NACC2: variants seen among roughly 807,000 people sequenced by gnomAD.
The protein encoded by NACC2 is nucleus accumbens-associated protein 2.
A neutral mutation model predicts 25.1 loss-of-function variants in NACC2; 8 were observed. That is an observed-to-expected ratio of 0.32 (90% CI 0.19 to 0.57). The LOEUF (loss-of-function observed/expected upper bound fraction) is 0.57, where lower values mean the gene tolerates loss of function less well. NACC2 is among the 20% of genes least tolerant of loss of function. The pLI is 0.89. For synonymous variants in NACC2, 435 were observed against 294.7 expected (o/e 1.48, Z -4.88); for missense variants, 644 against 650.2 (o/e 0.99, Z 0.10).
intron 2 of NACC2, among the ~76,000 whole-genome samples, chr9:136,033,894 GGTGTGTGTGTGTGTGTGT>G (rs57460855): frequency 3.9e-4 from 53 of 137,030 alleles, no homozygotes; most frequent in South Asian, 2.0e-3. Context: ...AATTCCAGCA[GGTGTGTGTGTGTGTGTGT>G]GTGTGTGTGT....
intron 1 of NACC2, among the ~76,000 whole-genome samples, chr9:136,071,747 C>G (rs893425878): frequency 6.6e-6 from 1 of 152,026 alleles, no homozygotes; most frequent in Non-Finnish European, 1.5e-5. Context: ...GACAGAGGGA[C>G]AGACATATGG....
intron 1 of NACC2, among the ~76,000 whole-genome samples, chr9:136,085,502 CAAA>C (rs995128721): frequency 7.5e-6 from 1 of 133,304 alleles, no homozygotes; most frequent in African/African-American, 2.7e-5. Context: ...GCAAGACTCT[CAAA>C]AAAAAAAAAA....
At chr9:136,017,660 G>A (rs538945280) in intron 2 of NACC2, among the ~76,000 whole-genome samples, 12 of 152,298 alleles carry the variant, frequency 7.9e-5, no homozygotes, top group South Asian at 2.1e-4. Context: ...ACACCAGTCC[G>A]GCACTCCTCA....
intron 1 of NACC2, 112 bp from the exon 2 acceptor site, chr9:136,050,692 C>G (rs879360575): frequency 4.8e-6 from 3 of 628,074 alleles, no homozygotes; most frequent in Non-Finnish European, 8.6e-6. Context: ...AGCGAGCCTT[C>G]CGCACGCGCC....
intron 1 of NACC2, among the ~76,000 whole-genome samples, chr9:136,059,630 G>C (rs1803415645): frequency 6.6e-6 from 1 of 152,240 alleles, no homozygotes; most frequent in African/African-American, 2.4e-5. Context: ...AGGAACCTGA[G>C]CAGGCCGCAG....
chr9:136,090,132 G>A (rs1423423010), intron 1 of NACC2, among the ~76,000 whole-genome samples: 1 of 152,236 alleles, frequency 6.6e-6, no homozygotes, highest in East Asian at 1.9e-4. Context: ...CAAGAATTCA[G>A]CAAAGATGGT....
chr9:136,054,575 G>A (rs986572988), intron 1 of NACC2, among the ~76,000 whole-genome samples: 1 of 152,186 alleles, frequency 6.6e-6, no homozygotes, highest in Non-Finnish European at 1.5e-5. Context: ...AGAGGAGGGG[G>A]CCGAGGGCCC....
At chr9:136,027,241 A>T (rs1385778992) in intron 2 of NACC2, among the ~76,000 whole-genome samples, 1 of 152,242 alleles carries the variant, frequency 6.6e-6, no homozygotes, top group Non-Finnish European at 1.5e-5. Flanking sequence ...AACAAAAAAA[A>T]TTAATGTTTG....
intron 2 of NACC2, among the ~76,000 whole-genome samples, chr9:136,037,859 A>T (rs186045851): frequency 3.1e-3 from 432 of 140,180 alleles, no homozygotes; most frequent in African/African-American, 0.011. Flanking sequence ...TTATATGGTT[A>T]AAAAAAAAAT....
At chr9:136,076,704 G>C (rs974196086) in intron 1 of NACC2, among the ~76,000 whole-genome samples, 1 of 152,122 alleles carries the variant, frequency 6.6e-6, no homozygotes, top group African/African-American at 2.4e-5. Context: ...GTGTATATTT[G>C]ACTACAATTT....
chr9:136,053,015 C>T (rs1349563092), intron 1 of NACC2, among the ~76,000 whole-genome samples: 4 of 152,246 alleles, frequency 2.6e-5, no homozygotes, highest in African/African-American at 4.8e-5. Context: ...AGGAAGAGCA[C>T]ATTCCACCCA....
At chr9:136,033,560 G>A (rs1249069073) in intron 2 of NACC2, among the ~76,000 whole-genome samples, 1 of 143,974 alleles carries the variant, frequency 6.9e-6, no homozygotes, top group African/African-American at 2.6e-5. Context: ...TGAGGCAGGA[G>A]AATCGCTTGA....
In NACC2 at chr9:136,007,028, C is replaced by T. The variant is rs1840022755; in HGVS notation, c.*4488G>A. On this transcript the variant is annotated 3_prime_UTR_variant, in exon 6 of 6. Coordinates refer to ENST00000277554, the MANE Select transcript of NACC2 (RefSeq NM_144653.5). Reference sequence around the variant, plus strand: ...ATCCGAAGGATGGATGCTCTACTTGCACCCAGTGCCATCCAAATCTTCAAG... The same window carrying T: ...ATCCGAAGGATGGATGCTCTACTTGTACCCAGTGCCATCCAAATCTTCAAG... 1 of 154,274 alleles carries T rather than the reference C, an allele frequency of 6.5e-6. No individual in the cohort carries two copies. Among genetic ancestry groups the T allele is most frequent in the Admixed American group, 6.5e-5 (1 of 15,290 alleles). The allele number at this position is 154,274 out of a possible 1,614,324, so 9.6% of individuals were successfully genotyped here. A position where few individuals can be genotyped will look rare whatever the true frequency, so the allele number is the denominator to read the frequency against.
intron 1 of NACC2, among the ~76,000 whole-genome samples, chr9:136,061,579 C>T (rs1272879890): frequency 1.3e-5 from 2 of 152,126 alleles, no homozygotes; most frequent in Admixed American, 6.5e-5. Context: ...TGCGTGTACA[C>T]GTTCGGGGGT....
Position 136,086,004 on chromosome 9 carries a change from C to T in NACC2, c.-60+9185G>A, listed in dbSNP as rs1227207091. 2.0e-5 allele frequency among the ~76,000 whole-genome samples: 3 copies of T among 151,696 alleles called. No homozygotes were observed. The highest frequency in any genetic ancestry group is 1.9e-4 in the East Asian group (1 of 5,148). The stretch of plus-strand genomic sequence containing the variant: ...TTGGCAGAGCCCAGAGACTGGGCAC[C>T]GCGCAGGGCAGCTCCGATGGGAGGG... On this transcript the variant is annotated intron_variant, in intron 1 of 5. Coordinates refer to ENST00000277554, the MANE Select transcript of NACC2 (RefSeq NM_144653.5). This position sits in a 1 kb window ranked among gnomAD's most constrained non-coding sequence, Gnocchi z 5.6.
At chr9:136,059,198 G>A (rs545858090) in intron 1 of NACC2, among the ~76,000 whole-genome samples, 1 of 152,350 alleles carries the variant, frequency 6.6e-6, no homozygotes, top group Admixed American at 6.5e-5. Flanking sequence ...GTGAGCCCAG[G>A]AGCAGGGCCA....
chr9:136,047,225 C>T (rs2131159733), intron 2 of NACC2, among the ~76,000 whole-genome samples: 1 of 152,290 alleles, frequency 6.6e-6, no homozygotes, highest in African/African-American at 2.4e-5. Flanking sequence ...ACACGGAGGG[C>T]ACGGGGAGCT....
intron 2 of NACC2, among the ~76,000 whole-genome samples, chr9:136,033,940 T>TGTGTGTGA (rs1491487263): frequency 3.4e-4 from 49 of 144,768 alleles, no homozygotes; most frequent in Admixed American, 2.4e-3. Context: ...TGTGTGTGTG[T>TGTGTGTGA]GAGATATTTG....
chr9:136,082,265 G>A (rs1019321203), intron 1 of NACC2, among the ~76,000 whole-genome samples: 18 of 152,184 alleles, frequency 1.2e-4, no homozygotes, highest in Admixed American at 7.9e-4. Flanking sequence ...TGATGGAAGG[G>A]GGCGGGGAGC....
Sources: allele counts gnomAD v4.1 joint callset (sites outside exome capture counted in the v4.1 genomes callset), GRCh38; gene constraint gnomAD v4.1.1; non-coding constraint Gnocchi (gnomAD v3.1); transcripts MANE v1.5; gene names NCBI Gene and HGNC (gene_info 2026-07-23, HGNC 2026-07-21).